Variants in NIPSNAP3A observed in about 807,000 individuals in gnomAD.
NIPSNAP3A encodes the protein nipsnap homolog 3A.
A neutral mutation model predicts 32.3 loss-of-function variants in NIPSNAP3A; 27 were observed. The observed-to-expected ratio is 0.84, with a 90% CI of 0.62 to 1.15. NIPSNAP3A has a LOEUF of 1.15. NIPSNAP3A is among the 50% of genes most tolerant of loss of function. The probability of loss-of-function intolerance (pLI) is 0.00; values close to 1 mark genes in which losing one functional copy is unlikely to be tolerated. For missense variants in NIPSNAP3A, 278 were observed against 297.2 expected, an observed-to-expected ratio of 0.94 and a Z score of 0.48; for synonymous variants, 108 against 107.3, an observed-to-expected ratio of 1.01 and a Z score of -0.04.
intron 4 of NIPSNAP3A, among the ~76,000 whole-genome samples, chr9:104,755,400 A>G (rs1207928475): frequency 1.3e-5 from 2 of 152,054 alleles, no homozygotes; most frequent in Non-Finnish European, 2.9e-5. Context: ...TATAAATATG[A>G]AAACCCCCCT....
intron 1 of NIPSNAP3A, among the ~76,000 whole-genome samples, chr9:104,749,698 T>C (rs1309096441): frequency 6.6e-6 from 1 of 152,174 alleles, no homozygotes; most frequent in African/African-American, 2.4e-5. Context: ...TGTATACATA[T>C]ATACACATAG....
chr9:104,748,156 G>C (rs1827800853), intron 1 of NIPSNAP3A, among the ~76,000 whole-genome samples: 1 of 152,188 alleles, frequency 6.6e-6, no homozygotes, highest in South Asian at 2.1e-4. Context: ...GGCGCCGGCT[G>C]TTTCGTTTTT....
chr9:104,747,720 C>A lies in NIPSNAP3A; in HGVS notation c.-73C>A, dbSNP rs551479255. On this transcript the variant is annotated 5_prime_UTR_variant, in exon 1 of 6. Transcript: ENST00000374767. Reference sequence around the variant, plus strand: ...CCAATGATCCAGGAGCCGCTCCTTTCCACTCGGGAAACCTTCAGAGGAGTC... The same window carrying A: ...CCAATGATCCAGGAGCCGCTCCTTTACACTCGGGAAACCTTCAGAGGAGTC... The A allele has an allele frequency of 9.2e-4, 1,352 of 1,466,404 alleles. 10 individuals are homozygous for A. In the East Asian group the frequency reaches 0.014, roughly 15 times the overall value. The allele number at this position is 1,466,404 out of a possible 1,614,324, so 90.8% of individuals were successfully genotyped here. A position where few individuals can be genotyped will look rare whatever the true frequency, so the allele number is the denominator to read the frequency against.
intron 2 of NIPSNAP3A, among the ~76,000 whole-genome samples, chr9:104,751,639 C>T (rs10733735): frequency 0.82 from 125,049 of 152,040 alleles, 51,622 homozygotes; most frequent in Admixed American, 0.87. Context: ...TAAGGGACTT[C>T]ACAATATGGA....
rs778926547 is a variant in NIPSNAP3A at position 104,759,071 on chromosome 9, G to T, written c.581-14G>T. 8.1e-6 allele frequency: 13 copies of T among 1,607,014 alleles called. No homozygotes were observed. Among genetic ancestry groups the T allele is most frequent in the African/African-American group, 1.3e-5 (1 of 74,564 alleles). On this transcript the variant is annotated splice_polypyrimidine_tract_variant and intron_variant, in intron 4 of 5. Transcript: ENST00000374767. ...CCATATTTTTTAGAAGCTACTTGTG[G>T]TTTATTTCTGCAGTTCATGTTCTTT...
At chr9:104,754,054 A>G (rs1331029389) in intron 3 of NIPSNAP3A, 2 of 153,038 alleles carry the variant, frequency 1.3e-5, no homozygotes, top group Non-Finnish European at 2.9e-5. Flanking sequence ...CCAAAATTCA[A>G]AGATATCACT....
chr9:104,757,671 C>T (rs979210085), intron 4 of NIPSNAP3A, among the ~76,000 whole-genome samples: 12 of 151,972 alleles, frequency 7.9e-5, no homozygotes, highest in Non-Finnish European at 1.2e-4. Flanking sequence ...ATACAGAAAT[C>T]GATATACATG....
At chr9:104,758,664 A>G (rs1827932966) in intron 4 of NIPSNAP3A, among the ~76,000 whole-genome samples, 1 of 152,118 alleles carries the variant, frequency 6.6e-6, no homozygotes, top group Non-Finnish European at 1.5e-5. Context: ...CGATTTAAAG[A>G]ATAGGATGGT....
Position 104,747,737 on chromosome 9 carries a change from A to G in NIPSNAP3A, c.-56A>G. ...GCTCCTTTCCACTCGGGAAACCTTC[A>G]GAGGAGTCTCAGAAAGGACACGGCT... On this transcript the variant is annotated 5_prime_UTR_variant, in exon 1 of 6. Transcript: ENST00000374767. 1 of 1,529,474 alleles carries G rather than the reference A, an allele frequency of 6.5e-7. No individual in the cohort carries two copies. Among genetic ancestry groups the G allele is most frequent in the Non-Finnish European group, 8.9e-7 (1 of 1,119,128 alleles). The allele number at this position is 1,529,474 out of a possible 1,614,324, so 94.7% of individuals were successfully genotyped here. A position where few individuals can be genotyped will look rare whatever the true frequency, so the allele number is the denominator to read the frequency against.
At position 104,752,991 on chromosome 9, in the gene NIPSNAP3A, T is replaced by A; in HGVS notation, c.357T>A (p.Ala119=). 1 of 1,613,374 alleles carries A rather than the reference T, an allele frequency of 6.2e-7. No individual in the cohort carries two copies. The highest frequency in any genetic ancestry group is 8.5e-7 in the Non-Finnish European group (1 of 1,179,334). ...WQEQFLIPNL[A]LIDKQESEIT... is the part of the protein sequence containing the mutation. ...AACAATTCCTCATTCCAAATTTGGC[T>A]CTCATTGATAAACAAGAGAGTGAGA... The change falls in exon 3 of 6, where the codon GCT becomes GCA. Residue 119 remains alanine (A), a synonymous_variant. Transcript: ENST00000374767.
chr9:104,752,024 G>A (rs910340696), intron 2 of NIPSNAP3A, among the ~76,000 whole-genome samples: 2 of 152,046 alleles, frequency 1.3e-5, no homozygotes, highest in Non-Finnish European at 2.9e-5. Context: ...TGCTTTAGAT[G>A]TGGTACAAGT....
intron 1 of NIPSNAP3A, 45 bp downstream of exon 1, chr9:104,747,897 AGGGG>A: frequency 1.4e-6 from 2 of 1,410,730 alleles, no homozygotes; most frequent in Non-Finnish European, 2.0e-6. Flanking sequence ...ACGGGAGGGG[AGGGG>A]CGGGGCGGGG....
chr9:104,747,787 C>T lies in NIPSNAP3A; in HGVS notation c.-6C>T. The T allele has an allele frequency of 6.2e-7, 1 of 1,607,606 alleles. No individual in the cohort carries two copies. The highest frequency in any genetic ancestry group is 8.5e-7 in the Non-Finnish European group (1 of 1,178,386). On this transcript the variant is annotated 5_prime_UTR_variant, in exon 1 of 6. Coordinates refer to ENST00000374767, the MANE Select transcript of NIPSNAP3A (RefSeq NM_015469.3). The stretch of plus-strand genomic sequence containing the variant: ...TGGCTGCTTTTCTCAGCGCCGAAGC[C>T]GCGCCATGCTCGTCCTCAGAAGCGC...
intron 3 of NIPSNAP3A, 23 bp downstream of exon 3, chr9:104,753,087 C>T (rs1827865797): frequency 1.3e-6 from 2 of 1,599,850 alleles, no homozygotes; most frequent in Admixed American, 1.7e-5. Context: ...TTCTTAGTCA[C>T]TGAGTTTTGA....
intron 4 of NIPSNAP3A, among the ~76,000 whole-genome samples, chr9:104,755,984 CTCA>C (rs1288750050): frequency 2.6e-5 from 4 of 152,074 alleles, no homozygotes; most frequent in African/African-American, 7.2e-5. Context: ...ATTTGAAAGA[CTCA>C]TCATAATATC....
chr9:104,749,704 CAT>C (rs1440043376), intron 1 of NIPSNAP3A, among the ~76,000 whole-genome samples: 2 of 152,026 alleles, frequency 1.3e-5, no homozygotes, highest in African/African-American at 2.4e-5. Flanking sequence ...CATATATACA[CAT>C]AGATACCTAC....
intron 4 of NIPSNAP3A, among the ~76,000 whole-genome samples, chr9:104,756,814 C>CTTTTT (rs34247948): frequency 8.7e-6 from 1 of 114,326 alleles, no homozygotes; most frequent in Non-Finnish European, 1.8e-5. Flanking sequence ...TGTTAATATT[C>CTTTTT]TTTTTTTTTT....
intron 2 of NIPSNAP3A, among the ~76,000 whole-genome samples, chr9:104,751,859 A>G (rs867114672): frequency 1.3e-5 from 2 of 152,184 alleles, no homozygotes; most frequent in South Asian, 4.1e-4. Flanking sequence ...TTAGTAGAGG[A>G]AGGAGAATAA....
intron 4 of NIPSNAP3A, among the ~76,000 whole-genome samples, chr9:104,756,337 T>A (rs532433927): frequency 6.6e-6 from 1 of 151,930 alleles, no homozygotes; most frequent in East Asian, 1.9e-4. Flanking sequence ...GAAGAAACTA[T>A]GAAGAAAAAA....
Sources: gnomAD v4.1 joint callset for allele counts (sites outside exome capture counted in the v4.1 genomes callset) on GRCh38, gnomAD v4.1.1 for gene constraint, MANE v1.5 for transcripts, NCBI Gene and HGNC (gene_info 2026-07-23, HGNC 2026-07-21) for gene names.